NEK7: variants seen among roughly 807,000 people sequenced by gnomAD.
NEK7 encodes the protein serine/threonine-protein kinase Nek7.
Under a neutral mutation model 44.6 loss-of-function variants are expected in NEK7, and 18 were observed. That is an observed-to-expected ratio of 0.40 (90% confidence interval 0.28 to 0.60). The LOEUF is 0.60. Ranked by LOEUF, NEK7 falls within the 20% of genes least tolerant of loss-of-function variation. The pLI is 0.38. For missense variants in NEK7, 256 were observed against 366.5 expected (o/e 0.70, Z 2.46); for synonymous variants, 130 against 121.1 (o/e 1.07, Z -0.48).
chr1:198,287,969 A>G (rs1370900043), intron 7 of NEK7, among the ~76,000 whole-genome samples: 2 of 152,246 alleles, frequency 1.3e-5, no homozygotes, highest in South Asian at 2.1e-4. Context: ...TCTTGAGTGT[A>G]CAATTCGTGT....
chr1:198,291,163 T>G (rs949824653), intron 7 of NEK7, among the ~76,000 whole-genome samples: 1 of 152,202 alleles, frequency 6.6e-6, no homozygotes, highest in Non-Finnish European at 1.5e-5. Context: ...AAATTACCTT[T>G]GCTTTTGGTA....
At chr1:198,191,216 T>A (rs10922373) in intron 1 of NEK7, among the ~76,000 whole-genome samples, 1 of 152,088 alleles carries the variant, frequency 6.6e-6, no homozygotes, top group Non-Finnish European at 1.5e-5. Context: ...TAGAGTTTTT[T>A]TGGAGTATAT....
chr1:198,290,290 TAAAAG>T (rs1654513436), intron 7 of NEK7, among the ~76,000 whole-genome samples: 1 of 152,172 alleles, frequency 6.6e-6, no homozygotes, highest in African/African-American at 2.4e-5. Flanking sequence ...GTACAGCTGT[TAAAAG>T]AAGTCACAAC....
At chr1:198,228,187 G>C (rs191667148) in intron 1 of NEK7, among the ~76,000 whole-genome samples, 1 of 152,134 alleles carries the variant, frequency 6.6e-6, no homozygotes, top group South Asian at 2.1e-4. Flanking sequence ...TAGATATGCA[G>C]CATTATTTCT....
chr1:198,202,341 C>T (rs1665456303), intron 1 of NEK7, among the ~76,000 whole-genome samples: 1 of 152,116 alleles, frequency 6.6e-6, no homozygotes, highest in African/African-American at 2.4e-5. Flanking sequence ...CTTTAGCAAT[C>T]CCCTGTCAAT....
intron 1 of NEK7, among the ~76,000 whole-genome samples, chr1:198,160,757 A>G (rs185576975): frequency 6.6e-6 from 1 of 152,312 alleles, no homozygotes; most frequent in Admixed American, 6.5e-5. Context: ...AAATATATGC[A>G]TTTGTATAAT....
At chr1:198,167,265 C>CT (rs1664295197) in intron 1 of NEK7, among the ~76,000 whole-genome samples, 1 of 152,170 alleles carries the variant, frequency 6.6e-6, no homozygotes, top group Non-Finnish European at 1.5e-5. Context: ...CCTTTGCTGC[C>CT]TATCACTCTT....
At chr1:198,170,374 T>G (rs558290875) in intron 1 of NEK7, among the ~76,000 whole-genome samples, 1 of 152,264 alleles carries the variant, frequency 6.6e-6, no homozygotes, top group African/African-American at 2.4e-5. Flanking sequence ...AAGTGAGAGA[T>G]AAGTCCTGGA....
At chr1:198,200,923 A>G (rs1437017513) in intron 1 of NEK7, among the ~76,000 whole-genome samples, 1 of 151,920 alleles carries the variant, frequency 6.6e-6, no homozygotes, top group Non-Finnish European at 1.5e-5. Context: ...TTTGCTTTTT[A>G]TCCTGTTAGC....
rs1256410821 is a variant in NEK7 at position 198,321,105 on chromosome 1, TA to T, written c.*1585del. ...AAAGAACACTTCCCTTTAGCCGATGTAACTGCTGGTTTTGTTTTTCATATGT... is the reference window on the plus strand; with the variant it reads ...AAAGAACACTTCCCTTTAGCCGATGTACTGCTGGTTTTGTTTTTCATATGT... On this transcript the variant is annotated 3_prime_UTR_variant, in exon 10 of 10. Transcript: ENST00000367385. 6.6e-6 allele frequency: 1 copy of T among 152,236 alleles called. No individual in the cohort carries two copies. The highest frequency in any genetic ancestry group is 2.4e-5 in the African/African-American group (1 of 41,464). The allele number at this position is 152,236 out of a possible 1,614,324, so 9.4% of individuals were successfully genotyped here. A position where few individuals can be genotyped will look rare whatever the true frequency, so the allele number is the denominator to read the frequency against.
At chr1:198,208,271 A>G (rs373806530) in intron 1 of NEK7, among the ~76,000 whole-genome samples, 2 of 152,218 alleles carry the variant, frequency 1.3e-5, no homozygotes, top group East Asian at 3.9e-4. Flanking sequence ...GGAGCGTAAG[A>G]TGTTATCTTC....
At chr1:198,171,530 T>C (rs1403490411) in intron 1 of NEK7, among the ~76,000 whole-genome samples, 1 of 151,888 alleles carries the variant, frequency 6.6e-6, no homozygotes, top group South Asian at 2.1e-4. Context: ...AATACAAAAA[T>C]TAGCTGGGCA....
chr1:198,272,759 C>CATTCTTTTTA (rs148012596), intron 5 of NEK7, among the ~76,000 whole-genome samples: 6,257 of 150,610 alleles, frequency 0.042, 202 homozygotes, highest in Middle Eastern at 0.071. Context: ...ATGCAGGGAC[C>CATTCTTTTTA]ATTCTTTTTA....
At position 198,244,144 on chromosome 1, in the gene NEK7, A is replaced by T. The variant is rs1384930786; in HGVS notation, c.58-8896A>T. Reference sequence around the variant, plus strand: ...TAAAATGTAAGGTAGTTTATTTAAAATAATTAAGTGGCACAGGAAAATCAG... The same window carrying T: ...TAAAATGTAAGGTAGTTTATTTAAATTAATTAAGTGGCACAGGAAAATCAG... On this transcript the variant is annotated intron_variant, in intron 2 of 9. Coordinates refer to ENST00000367385, the MANE Select transcript of NEK7 (RefSeq NM_133494.3). Among the ~76,000 whole-genome samples, 2 of 152,176 alleles carry T rather than the reference A, an allele frequency of 1.3e-5. 1 individual carries two copies. The highest frequency in any genetic ancestry group is 3.8e-4 in the East Asian group (2 of 5,202).
intron 1 of NEK7, among the ~76,000 whole-genome samples, chr1:198,174,938 G>T (rs1664563370): frequency 6.6e-6 from 1 of 151,926 alleles, no homozygotes; most frequent in Non-Finnish European, 1.5e-5. Flanking sequence ...TTAATTTTTT[G>T]TACAGATGGG....
At chr1:198,231,307 A>G (rs3861921) in intron 1 of NEK7, among the ~76,000 whole-genome samples, 14,987 of 97,686 alleles carry the variant, frequency 0.15, 1,222 homozygotes, top group East Asian at 0.58. Context: ...GTGTGTATAT[A>G]TATATATATA....
At chr1:198,305,427 A>C (rs114450551) in intron 9 of NEK7, among the ~76,000 whole-genome samples, 1 of 152,154 alleles carries the variant, frequency 6.6e-6, no homozygotes, top group Non-Finnish European at 1.5e-5. Context: ...AGAAACTTTT[A>C]AAAAATGTGA....
chr1:198,321,339 G>A lies in NEK7; in HGVS notation c.*1817G>A, dbSNP rs1294282365. On this transcript the variant is annotated 3_prime_UTR_variant, in exon 10 of 10. Transcript: ENST00000367385. ...GCATTTTTTTTCTCACACTCTTAAT[G>A]ACTTTTAACATTTATACTGAGCATC... 1 of 151,922 alleles carries A rather than the reference G, an allele frequency of 6.6e-6. No homozygotes were observed. The highest frequency in any genetic ancestry group is 6.6e-5 in the Admixed American group (1 of 15,254). 9.4% of individuals were successfully genotyped at this position (151,922 alleles called of 1,614,324 possible). A position where few individuals can be genotyped will look rare whatever the true frequency, so the allele number is the denominator to read the frequency against.
intron 7 of NEK7, among the ~76,000 whole-genome samples, chr1:198,291,488 T>C (rs554978150): frequency 2.7e-5 from 4 of 147,304 alleles, no homozygotes; most frequent in Admixed American, 1.4e-4. Flanking sequence ...AGTTCTTTGC[T>C]TTTCTGACAC....
Sources: gnomAD v4.1 joint callset for allele counts (sites outside exome capture counted in the v4.1 genomes callset) on GRCh38, gnomAD v4.1.1 for gene constraint, MANE v1.5 for transcripts, NCBI Gene and HGNC (gene_info 2026-07-23, HGNC 2026-07-21) for gene names.